Variants in GABRA3 observed in about 807,000 individuals in gnomAD.
GABRA3 encodes the protein gamma-aminobutyric acid type A receptor subunit alpha3, also known as gamma-aminobutyric acid receptor subunit alpha-3.
A neutral mutation model predicts 30.1 loss-of-function variants in GABRA3; 10 were observed. The ratio of observed to expected loss-of-function variants is 0.33; its 90% confidence interval spans 0.20 to 0.56. GABRA3 has a LOEUF of 0.56. Ranked by LOEUF, GABRA3 falls within the 20% of genes least tolerant of loss-of-function variation. GABRA3 has a pLI of 0.89. For missense variants in GABRA3, 233 were observed against 392.0 expected, an observed-to-expected ratio of 0.59 and a Z score of 3.42; for synonymous variants, 151 against 146.8, an observed-to-expected ratio of 1.03 and a Z score of -0.21.
At chrX:152,225,424 A>ACACACGCG (rs1397624593) in intron 5 of GABRA3, among the ~76,000 whole-genome samples, 4 of 13,282 alleles carry the variant, frequency 3.0e-4, no homozygotes, top group African/African-American at 1.1e-3. Context: ...ACACGCACAC[A>ACACACGCG]CACACACGCA....
At chrX:152,329,486 T>C (rs934284922) in intron 3 of GABRA3, among the ~76,000 whole-genome samples, 3 of 111,957 alleles carry the variant, frequency 2.7e-5, no homozygotes, top group Non-Finnish European at 5.6e-5. Context: ...ATGGTACTGG[T>C]ATCAAAACAG....
At chrX:152,233,579 C>T (rs886082624) in intron 5 of GABRA3, among the ~76,000 whole-genome samples, 4 of 110,018 alleles carry the variant, frequency 3.6e-5, no homozygotes, top group African/African-American at 1.3e-4. Flanking sequence ...AGAAATAGAA[C>T]TCTTTTACAC....
chrX:152,434,502 C>T (rs1029845905), intron 1 of GABRA3, among the ~76,000 whole-genome samples: 1 of 111,415 alleles, frequency 9.0e-6, no homozygotes, highest in Non-Finnish European at 1.9e-5. Context: ...TCTACACAAG[C>T]TGTTTCACAA....
chrX:152,418,883 A>T (rs1202646484), intron 1 of GABRA3, among the ~76,000 whole-genome samples: 6 of 111,574 alleles, frequency 5.4e-5, no homozygotes, highest in Non-Finnish European at 1.1e-4. Context: ...AAAGACTTAG[A>T]ACCAACCCAA....
chrX:152,254,634 A>T (rs1938608743), intron 5 of GABRA3, among the ~76,000 whole-genome samples: 1 of 111,347 alleles, frequency 9.0e-6, no homozygotes, highest in Non-Finnish European at 1.9e-5. Context: ...TTTTTCCTTG[A>T]CCATCTCCTC....
intron 5 of GABRA3, among the ~76,000 whole-genome samples, chrX:152,237,232 G>A (rs1298441516): frequency 9.0e-6 from 1 of 110,741 alleles, no homozygotes; most frequent in Non-Finnish European, 1.9e-5. Flanking sequence ...AGTTTTCCCA[G>A]CACCATTTAT....
At chrX:152,360,752 A>T (rs1391959514) in intron 2 of GABRA3, among the ~76,000 whole-genome samples, 1 of 74,979 alleles carries the variant, frequency 1.3e-5, no homozygotes, top group East Asian at 3.9e-4. Flanking sequence ...AAAAAAAAAT[A>T]AATTAAAAAA....
In GABRA3 at chrX:152,195,289, C is replaced by T. The variant is rs1001328156; in HGVS notation, c.931+2344G>A. On this transcript the variant is annotated intron_variant, in intron 8 of 9. Coordinates refer to ENST00000370314, the MANE Select transcript of GABRA3 (RefSeq NM_000808.4). ...CAAAGCCCAGGCCAAAAAAAACATGCTTCTTTATTGTCTCTCTGCACTAGT... is the reference window on the plus strand; with the variant it reads ...CAAAGCCCAGGCCAAAAAAAACATGTTTCTTTATTGTCTCTCTGCACTAGT... Among the ~76,000 whole-genome samples the T allele has an allele frequency of 2.7e-5, 3 of 111,924 alleles. No homozygotes were observed. In the Admixed American group the frequency reaches 2.8e-4, roughly 11 times the overall value.
intron 1 of GABRA3, among the ~76,000 whole-genome samples, chrX:152,412,084 T>C (rs186776735): frequency 9.0e-6 from 1 of 111,421 alleles, no homozygotes; most frequent in East Asian, 2.8e-4. Flanking sequence ...ATGTTCAACA[T>C]CATTTAGCCA....
Position 152,173,512 on chromosome X carries a change from T to A in GABRA3, c.1144-4949A>T, listed in dbSNP as rs990990552. ...CCCAGGCTGGAGTGCAATGGCATGA[T>A]CTCGGCTCACTGCAATCTCTGCCTC... On this transcript the variant is annotated intron_variant, in intron 9 of 9. Transcript: ENST00000370314. Among the ~76,000 whole-genome samples, 34 of 111,434 alleles carry A rather than the reference T, an allele frequency of 3.1e-4. 1 individual carries two copies. The highest frequency in any genetic ancestry group is 2.4e-3 in the Admixed American group (25 of 10,504).
chrX:152,397,800 TG>T (rs1929698913), intron 1 of GABRA3, among the ~76,000 whole-genome samples: 2 of 111,955 alleles, frequency 1.8e-5, no homozygotes, highest in Non-Finnish European at 3.8e-5. Flanking sequence ...CTCACATTTA[TG>T]GATCGGGCAC....
intron 4 of GABRA3, among the ~76,000 whole-genome samples, chrX:152,283,005 C>T (rs1480690422): frequency 9.0e-6 from 1 of 111,716 alleles, no homozygotes; most frequent in Non-Finnish European, 1.9e-5. Flanking sequence ...AAAAGAGCTA[C>T]ATACACCTGG....
Position 152,206,840 on chromosome X carries a change from T to C in GABRA3, c.778+1161A>G, listed in dbSNP as rs190030831. 3.9e-4 allele frequency among the ~76,000 whole-genome samples: 43 copies of C among 111,530 alleles called. 1 individual carries two copies. The highest frequency in any genetic ancestry group is 9.4e-3 in the Middle Eastern group (2 of 212). ...TGCCTGCCTGTGCCACTTGGACTGGTCCAGCCGGAGGCCTGCCATACATGA... is the reference window on the plus strand; with the variant it reads ...TGCCTGCCTGTGCCACTTGGACTGGCCCAGCCGGAGGCCTGCCATACATGA... On this transcript the variant is annotated intron_variant, in intron 7 of 9. Coordinates refer to ENST00000370314, the MANE Select transcript of GABRA3 (RefSeq NM_000808.4).
intron 9 of GABRA3, among the ~76,000 whole-genome samples, chrX:152,177,045 C>T (rs770324322): frequency 8.1e-5 from 9 of 111,702 alleles, no homozygotes; most frequent in Non-Finnish European, 1.5e-4. Context: ...GGAGTTGACA[C>T]CTTTTTCAAA....
rs151119813 is a variant in GABRA3 at position 152,361,212 on chromosome X, G to A, written c.140+3219C>T. ...GGTAGGATTTCTTGGCCTACTCCTT[G>A]ACATAATTACTAAAAACTAGGCTAT... On this transcript the variant is annotated intron_variant, in intron 2 of 9. Coordinates refer to ENST00000370314, the MANE Select transcript of GABRA3 (RefSeq NM_000808.4). Among the ~76,000 whole-genome samples, 518 of 109,964 alleles carry A rather than the reference G, an allele frequency of 4.7e-3. 3 individuals are homozygous for A. The highest frequency in any genetic ancestry group is 0.016 in the African/African-American group (490 of 30,245).
At chrX:152,226,546 C>T (rs754043789) in intron 5 of GABRA3, among the ~76,000 whole-genome samples, 1 of 111,563 alleles carries the variant, frequency 9.0e-6, no homozygotes, top group African/African-American at 3.2e-5. Flanking sequence ...TCTAATTAAA[C>T]TAAAGAGCTT....
intron 1 of GABRA3, among the ~76,000 whole-genome samples, chrX:152,429,479 G>T (rs1406238693): frequency 1.8e-5 from 2 of 111,067 alleles, no homozygotes; most frequent in African/African-American, 6.6e-5. Context: ...GCTCTTGAGG[G>T]AAAGACTAAA....
chrX:152,386,688 C>T (rs1929324135), intron 1 of GABRA3, among the ~76,000 whole-genome samples: 1 of 108,617 alleles, frequency 9.2e-6, no homozygotes, highest in Non-Finnish European at 1.9e-5. Flanking sequence ...AACACTTTTA[C>T]ACTGTTGGTG....
At chrX:152,204,533 A>G (rs1937517215) in intron 7 of GABRA3, among the ~76,000 whole-genome samples, 1 of 110,412 alleles carries the variant, frequency 9.1e-6, no homozygotes, top group South Asian at 3.9e-4. Context: ...AATCTGTCTG[A>G]GCCTCGATTT....
Sources: allele counts gnomAD v4.1 joint callset (sites outside exome capture counted in the v4.1 genomes callset), GRCh38; gene constraint gnomAD v4.1.1; transcripts MANE v1.5; gene names NCBI Gene and HGNC (gene_info 2026-07-23, HGNC 2026-07-21).